NLRP1: variants seen among roughly 807,000 people sequenced by gnomAD.
The protein encoded by NLRP1 is NLR family pyrin domain containing 1, also known as NACHT, LRR and PYD domains-containing protein 1.
Under a neutral mutation model 136.7 loss-of-function variants are expected in NLRP1, and 94 were observed. The observed-to-expected ratio is 0.69, with a 90% CI of 0.58 to 0.82. The LOEUF is 0.82. NLRP1 is among the 40% of genes least tolerant of loss of function. The pLI, the probability that NLRP1 is intolerant of heterozygous loss-of-function variation, is 0.00. For synonymous variants in NLRP1, 690 were observed against 725.1 expected (o/e 0.95, Z 0.78); for missense variants, 1,575 against 1,802.7 (o/e 0.87, Z 2.29).
chr17:5,582,236 T>C (rs939739396), intron 2 of NLRP1, among the ~76,000 whole-genome samples, 174 bp from the exon 3 acceptor site: 2 of 152,198 alleles, frequency 1.3e-5, no homozygotes, highest in African/African-American at 2.4e-5. Flanking sequence ...AGAGAAGTCA[T>C]GTGAGGGAGC....
At chr17:5,530,367 C>T (rs902806401) in intron 12 of NLRP1, 114 bp downstream of exon 12, 1 of 860,174 alleles carries the variant, frequency 1.2e-6, no homozygotes, top group South Asian at 1.6e-5. Flanking sequence ...CATAACCCCC[C>T]CTCGGCCCCT....
At chr17:5,546,948 T>C (rs1026004970) in intron 5 of NLRP1, among the ~76,000 whole-genome samples, 4 of 152,166 alleles carry the variant, frequency 2.6e-5, no homozygotes, top group Non-Finnish European at 1.5e-5. Context: ...CTACCCCCAG[T>C]GAGCCAGAAT....
chr17:5,537,212 C>A lies in NLRP1; in HGVS notation c.2871-272G>T, dbSNP rs1466942978. 6.6e-6 allele frequency among the ~76,000 whole-genome samples: 1 copy of A among 152,234 alleles called. No homozygotes were observed. Among genetic ancestry groups the A allele is most frequent in the Non-Finnish European group, 1.5e-5 (1 of 68,046 alleles). The stretch of plus-strand genomic sequence containing the variant: ...GCCTCAGCCAACTCTGGGAGATGAT[C>A]CTTTAGAGCTGTTTAAAGGAGTTGG... On this transcript the variant is annotated intron_variant, in intron 7 of 16. Transcript: ENST00000572272. The surrounding 1 kb of genome is among the most constrained non-coding windows in gnomAD (Gnocchi z 4.5).
chr17:5,525,884 C>T (rs533879618), intron 12 of NLRP1, among the ~76,000 whole-genome samples: 2 of 152,314 alleles, frequency 1.3e-5, no homozygotes, highest in African/African-American at 4.8e-5. Context: ...ACCAATCTAT[C>T]CACCTGGCTG....
At chr17:5,523,913 AACAAT>A (rs1359881158) in intron 12 of NLRP1, among the ~76,000 whole-genome samples, 1 of 152,198 alleles carries the variant, frequency 6.6e-6, no homozygotes, top group Admixed American at 6.5e-5. Context: ...TTACCAATCA[AACAAT>A]ACAACTATTC....
intron 3 of NLRP1, among the ~76,000 whole-genome samples, chr17:5,573,115 A>G (rs1449341868): frequency 1.3e-5 from 2 of 152,208 alleles, no homozygotes; most frequent in Admixed American, 1.3e-4. Flanking sequence ...GGTCACTCCC[A>G]CCCTAATACT....
rs2068452278 is a variant in NLRP1, at chr17:5,514,322, G to A, written c.*432C>T. On this transcript the variant is annotated 3_prime_UTR_variant, in exon 17 of 17. Coordinates refer to ENST00000572272, the MANE Select transcript of NLRP1 (RefSeq NM_033004.4). ...CACTTTACTCTGTTGGCTTGCTCTT[G>A]TAGATCTTCCTGTACAAAGCCAAGA... The A allele has an allele frequency of 1.3e-6, 1 of 790,408 alleles. No individual in the cohort carries two copies. Among genetic ancestry groups the A allele is most frequent in the Non-Finnish European group, 1.6e-6 (1 of 640,454 alleles). 49.0% of individuals were successfully genotyped at this position (790,408 alleles called of 1,614,324 possible). A position where few individuals can be genotyped will look rare whatever the true frequency, so the allele number is the denominator to read the frequency against.
In NLRP1 at chr17:5,583,521, C is replaced by T. The variant is rs78490652; in HGVS notation, c.271+166G>A. On this transcript the variant is annotated intron_variant, in intron 1 of 16. Transcript: ENST00000572272. This position sits in a 1 kb window ranked among gnomAD's most constrained non-coding sequence, Gnocchi z 4.5. Reference sequence around the variant, plus strand: ...AGGGCCCCCCCAGCAAGCCTCCTGGCTCCAGCATAGTCTGGGGCCTGGATC... The same window carrying T: ...AGGGCCCCCCCAGCAAGCCTCCTGGTTCCAGCATAGTCTGGGGCCTGGATC... 4.6e-5 allele frequency among the ~76,000 whole-genome samples: 7 copies of T among 152,276 alleles called. No individual in the cohort carries two copies. The East Asian group carries it at 1.4e-3, about 29-fold the overall frequency.
intron 5 of NLRP1, among the ~76,000 whole-genome samples, chr17:5,545,389 C>T (rs1912478918): frequency 6.6e-6 from 1 of 151,210 alleles, no homozygotes; most frequent in African/African-American, 2.4e-5. Context: ...CACCCACACA[C>T]AGACACACAC....
chr17:5,511,903 T>C (rs1907667381), downstream of NLRP1: 4 of 196,920 alleles, frequency 2.0e-5, no homozygotes, highest in Middle Eastern at 1.8e-3. Flanking sequence ...TGTTGAAAAT[T>C]GTTTTTGACC....
intron 5 of NLRP1, among the ~76,000 whole-genome samples, chr17:5,551,217 C>A (rs1304825128): frequency 1.3e-5 from 2 of 152,192 alleles, no homozygotes; most frequent in African/African-American, 4.8e-5. Flanking sequence ...CCCTGGAAAC[C>A]ACTAATCTTT....
chr17:5,547,502 T>C (rs973523048), intron 5 of NLRP1, among the ~76,000 whole-genome samples: 1 of 152,078 alleles, frequency 6.6e-6, no homozygotes, highest in Non-Finnish European at 1.5e-5. Context: ...ATATGGAAAA[T>C]GGAAATAGTT....
chr17:5,522,363 C>T (rs577815650), intron 12 of NLRP1, among the ~76,000 whole-genome samples: 2 of 152,314 alleles, frequency 1.3e-5, no homozygotes, highest in Admixed American at 6.5e-5. Flanking sequence ...GATTAGTGCC[C>T]TTACAAAAGA....
At chr17:5,516,381 G>C (rs1444914367) in intron 15 of NLRP1, among the ~76,000 whole-genome samples, 1 of 152,214 alleles carries the variant, frequency 6.6e-6, no homozygotes, top group Non-Finnish European at 1.5e-5. Context: ...AGGAATGATG[G>C]AAGGAGCTGA....
Position 5,515,160 on chromosome 17 carries a change from T to C in NLRP1, c.4103-87A>G, listed in dbSNP as rs1907922094. 3 of 1,239,364 alleles carry C rather than the reference T, an allele frequency of 2.4e-6. No homozygotes were observed. In the South Asian group the frequency reaches 4.1e-5, roughly 17 times the overall value. 76.8% of individuals were successfully genotyped at this position (1,239,364 alleles called of 1,614,324 possible). A position where few individuals can be genotyped will look rare whatever the true frequency, so the allele number is the denominator to read the frequency against. ...CTTTCCTCTCTCATCTCTGCATCCC[T>C]CGCTTCCTTCTGCCTCCAGAAATGC... On this transcript the variant is annotated intron_variant, in intron 16 of 16. Coordinates refer to ENST00000572272, the MANE Select transcript of NLRP1 (RefSeq NM_033004.4).
chr17:5,562,118 G>C (rs1350743808), intron 3 of NLRP1, among the ~76,000 whole-genome samples: 1 of 152,186 alleles, frequency 6.6e-6, no homozygotes, highest in Non-Finnish European at 1.5e-5. Flanking sequence ...ACCTCTGCCT[G>C]TGGTAGCCAG....
intron 3 of NLRP1, among the ~76,000 whole-genome samples, chr17:5,560,315 TG>T (rs1406020814): frequency 1.3e-5 from 2 of 152,136 alleles, no homozygotes; most frequent in African/African-American, 2.4e-5. Context: ...CTATAGGGGT[TG>T]GGGATAAAGA....
chr17:5,537,910 C>T lies in NLRP1; in HGVS notation c.2871-970G>A, dbSNP rs1285625200. On this transcript the variant is annotated intron_variant, in intron 7 of 16. Coordinates refer to ENST00000572272, the MANE Select transcript of NLRP1 (RefSeq NM_033004.4). This position sits in a 1 kb window ranked among gnomAD's most constrained non-coding sequence, Gnocchi z 4.5. ...GGAGGTAGTGATAGCCAAAAATACTCAGTGGGGAGCAGCAGGCTGGGGTGC... is the reference window on the plus strand; with the variant it reads ...GGAGGTAGTGATAGCCAAAAATACTTAGTGGGGAGCAGCAGGCTGGGGTGC... Among the ~76,000 whole-genome samples, 2 of 152,204 alleles carry T rather than the reference C, an allele frequency of 1.3e-5. No homozygotes were observed. Among genetic ancestry groups the T allele is most frequent in the Non-Finnish European group, 2.9e-5 (2 of 68,024 alleles).
rs771875198 is a variant in NLRP1 at position 5,584,061 on chromosome 17, C to G, written c.-104G>C. ...TCCTTTGCCTTGGCTCTTACCGTCT[C>G]TTATTCAGCATTCGGAACCCAGTTT... On this transcript the variant is annotated 5_prime_UTR_variant, in exon 1 of 17. Transcript: ENST00000572272. The G allele has an allele frequency of 2.3e-5, 26 of 1,143,396 alleles. No homozygotes were observed. Among genetic ancestry groups the G allele is most frequent in the Non-Finnish European group, 3.2e-5 (26 of 821,802 alleles). 70.8% of individuals were successfully genotyped at this position (1,143,396 alleles called of 1,614,324 possible).
Sources: gnomAD v4.1 joint callset for allele counts (sites outside exome capture counted in the v4.1 genomes callset) on GRCh38, gnomAD v4.1.1 for gene constraint, Gnocchi (gnomAD v3.1) non-coding constraint, MANE v1.5 for transcripts, NCBI Gene and HGNC (gene_info 2026-07-23, HGNC 2026-07-21) for gene names.